The following ORC1 variants were observed in gnomAD, a reference collection of about 807,000 sequenced individuals.
The protein encoded by ORC1 is origin recognition complex, subunit 1 homolog.
Under a neutral mutation model 98.9 loss-of-function variants are expected in ORC1, and 61 were observed. That is an observed-to-expected ratio of 0.62 (90% confidence interval 0.50 to 0.76). The LOEUF (loss-of-function observed/expected upper bound fraction) is 0.76. Among genes scored for constraint, ORC1 ranks in the 30% least tolerant of loss-of-function variants. The pLI is 0.00. For synonymous variants in ORC1, 385 were observed against 406.9 expected (o/e 0.95, Z 0.65); for missense variants, 979 against 1,072.2 (o/e 0.91, Z 1.21).
In ORC1 at chr1:52,382,001, C is replaced by T. The variant is rs139487595; in HGVS notation, c.2014-240G>A. 7.8e-3 allele frequency among the ~76,000 whole-genome samples: 1,186 copies of T among 151,880 alleles called. 5 individuals are homozygous for T. Among genetic ancestry groups the T allele is most frequent in the Non-Finnish European group, 0.01 (708 of 67,964 alleles). ...TTTGATTCTTTTTTTTTCTTTGAGA[C>T]GGAGTCTTGCTCTGTTGCCCAGGCT... On this transcript the variant is annotated intron_variant, in intron 13 of 16. Coordinates refer to ENST00000371568, the MANE Select transcript of ORC1 (RefSeq NM_004153.4).
intron 2 of ORC1, 93 bp downstream of exon 2, chr1:52,402,036 C>A: frequency 6.6e-6 from 6 of 915,388 alleles, no homozygotes; most frequent in South Asian, 1.3e-5. Flanking sequence ...CATTCATGGT[C>A]AATCTGTAGT....
intron 4 of ORC1, 150 bp from the exon 5 acceptor site, chr1:52,396,514 G>T: frequency 1.2e-6 from 1 of 846,588 alleles, no homozygotes; most frequent in Non-Finnish European, 1.9e-6. Flanking sequence ...ACATGGCATA[G>T]CATATTGCTA....
intron 9 of ORC1, among the ~76,000 whole-genome samples, 179 bp downstream of exon 9, chr1:52,385,673 T>C (rs983654455): frequency 1.3e-5 from 2 of 152,224 alleles, no homozygotes; most frequent in Non-Finnish European, 2.9e-5. Context: ...CTAACCCAGA[T>C]GCTGCCTGAG....
intron 3 of ORC1, among the ~76,000 whole-genome samples, chr1:52,399,811 A>T (rs1437052803): frequency 2.5e-5 from 3 of 118,320 alleles, no homozygotes; most frequent in East Asian, 6.2e-4. Context: ...TGTCACTGTC[A>T]CACACACACA....
intron 14 of ORC1, among the ~76,000 whole-genome samples, chr1:52,376,257 G>A (rs1646993706): frequency 6.6e-6 from 1 of 151,864 alleles, no homozygotes; most frequent in Admixed American, 6.6e-5. Flanking sequence ...GGTCACACCT[G>A]TAATCCTAGC....
rs1301437464 is a variant in ORC1 at position 52,372,976 on chromosome 1, C to CA, written c.*204dup. 3.3e-6 allele frequency: 2 copies of CA among 600,256 alleles called. No individual in the cohort carries two copies. The highest frequency in any genetic ancestry group is 1.8e-5 in the South Asian group (1 of 56,074). The allele number at this position is 600,256 out of a possible 1,614,324, so 37.2% of individuals were successfully genotyped here. ...GCAACATGGTGAAGCCCTGTCTCTA[C>CA]AAAAAATCAGCTGGGCATGGTGGCA... On this transcript the variant is annotated 3_prime_UTR_variant, in exon 17 of 17. Transcript: ENST00000371568.
rs189184532 is a variant in ORC1, at chr1:52,402,070, T to A, written c.95+59A>T. The A allele has an allele frequency of 2.6e-4, 316 of 1,214,518 alleles. No individual in the cohort carries two copies. The African/African-American group carries it at 4.3e-3, about 16-fold the overall frequency. The allele number at this position is 1,214,518 out of a possible 1,614,324, so 75.2% of individuals were successfully genotyped here. A position where few individuals can be genotyped will look rare whatever the true frequency, so the allele number is the denominator to read the frequency against. ...GTAATTAGAACAGGCTAGATACAAG[T>A]TGACTGTTTAGCTTGAGAAGCTGTA... On this transcript the variant is annotated intron_variant, in intron 2 of 16. Transcript: ENST00000371568.
chr1:52,407,157 A>G (rs186029823), upstream of ORC1, among the ~76,000 whole-genome samples: 1 of 151,602 alleles, frequency 6.6e-6, no homozygotes, highest in East Asian at 1.9e-4. Flanking sequence ...AGCTGGGACT[A>G]CAGGCGCCCA....
intron 3 of ORC1, among the ~76,000 whole-genome samples, chr1:52,399,195 A>C (rs987583687): frequency 1.3e-4 from 20 of 152,296 alleles, no homozygotes; most frequent in Middle Eastern, 3.4e-3. Context: ...CCTAGCAAGA[A>C]TTATAGCATC....
chr1:52,385,707 A>G (rs1647132925), intron 9 of ORC1, 145 bp downstream of exon 9: 1 of 718,284 alleles, frequency 1.4e-6, no homozygotes, highest in South Asian at 1.5e-5. Context: ...CTAAACATAC[A>G]CTCACTTTAC....
intron 3 of ORC1, among the ~76,000 whole-genome samples, chr1:52,398,893 A>T (rs914274139): frequency 3.3e-5 from 5 of 152,038 alleles, no homozygotes; most frequent in African/African-American, 1.2e-4. Flanking sequence ...CCGATCCTTA[A>T]TCCTTCTAAT....
chr1:52,405,849 A>G (rs368003387), upstream of ORC1: 80 of 1,611,780 alleles, frequency 5.0e-5, no homozygotes, highest in East Asian at 6.7e-5. Context: ...AGTGAGTGCA[A>G]TGTTCACTAG....
intron 4 of ORC1, among the ~76,000 whole-genome samples, chr1:52,397,060 C>T (rs1647438229): frequency 6.6e-6 from 1 of 152,146 alleles, no homozygotes; most frequent in Admixed American, 6.6e-5. Context: ...ACTCCTTTAG[C>T]TTTCTCTCCT....
upstream of ORC1, chr1:52,404,632 C>T (rs948617649): frequency 2.6e-6 from 3 of 1,151,398 alleles, no homozygotes; most frequent in African/African-American, 3.1e-5. Flanking sequence ...TCAAGATGGT[C>T]GCCTAAGCTG....
At chr1:52,388,843 T>C (rs1355473759) in intron 7 of ORC1, among the ~76,000 whole-genome samples, 3 of 152,128 alleles carry the variant, frequency 2.0e-5, no homozygotes, top group Admixed American at 1.3e-4. Context: ...TATATTATTA[T>C]ATTTTGTAGA....
intron 5 of ORC1, among the ~76,000 whole-genome samples, chr1:52,394,412 T>C (rs1040341583): frequency 2.6e-5 from 4 of 152,278 alleles, no homozygotes; most frequent in African/African-American, 9.6e-5. Flanking sequence ...AAACAAAAGC[T>C]GAATGAGGCT....
chr1:52,407,614 C>T (rs923065613), upstream of ORC1, among the ~76,000 whole-genome samples: 1 of 152,158 alleles, frequency 6.6e-6, no homozygotes, highest in African/African-American at 2.4e-5. Flanking sequence ...AATATATCTT[C>T]TTTCTGTTTT....
intron 5 of ORC1, among the ~76,000 whole-genome samples, chr1:52,394,240 G>C (rs1002047813): frequency 3.9e-5 from 6 of 152,230 alleles, no homozygotes; most frequent in Non-Finnish European, 5.9e-5. Flanking sequence ...CCAATAGAGA[G>C]AAGTGGGGTT....
chr1:52,383,873 G>A lies in ORC1; in HGVS notation c.1820C>T (p.Thr607Ile). 1.2e-6 allele frequency: 2 copies of A among 1,614,174 alleles called. No homozygotes were observed. Among genetic ancestry groups the A allele is most frequent in the Non-Finnish European group, 1.7e-6 (2 of 1,180,028 alleles). ...AAELLAKQFC[T>I]RGSPQETTVL... is the part of the protein sequence containing the mutation. ...GGTGGTTTCCTGAGGTGACCCTCGG[G>A]TGCAGAATTGCTTTGCCAGCAGTTC... is the stretch of plus-strand genomic sequence containing the variant. The change falls in exon 12 of 17, where the codon ACC becomes ATC. Residue 607 changes from threonine (T) to isoleucine (I), a missense_variant. Thr to Ile is a moderately conservative substitution (Grantham distance 89). Coordinates refer to ENST00000371568, the MANE Select transcript of ORC1 (RefSeq NM_004153.4).
Sources: gnomAD v4.1 joint callset for allele counts (sites outside exome capture counted in the v4.1 genomes callset) on GRCh38, gnomAD v4.1.1 for gene constraint, MANE v1.5 for transcripts, NCBI Gene and HGNC (gene_info 2026-07-23, HGNC 2026-07-21) for gene names.